PRKAG2: variants seen among roughly 807,000 people sequenced by gnomAD.
PRKAG2 encodes the protein 5'-AMP-activated protein kinase subunit gamma-2.
A neutral mutation model predicts 69.6 loss-of-function variants in PRKAG2; 26 were observed. The ratio of observed to expected loss-of-function variants is 0.37; its 90% CI spans 0.27 to 0.52. The LOEUF (loss-of-function observed/expected upper bound fraction) is 0.52. PRKAG2 is among the 20% of genes least tolerant of loss of function. PRKAG2 has a pLI of 0.90. For missense variants in PRKAG2, 557 were observed against 740.0 expected (o/e 0.75, Z 2.87); for synonymous variants, 293 against 285.0 (o/e 1.03, Z -0.28).
At chr7:151,677,579 A>G (rs1188982947) in intron 3 of PRKAG2, among the ~76,000 whole-genome samples, 5 of 152,252 alleles carry the variant, frequency 3.3e-5, no homozygotes, top group Non-Finnish European at 7.3e-5. Context: ...GTCAGTGAAC[A>G]TGCCCTGTTA....
At position 151,565,401 on chromosome 7, in the gene PRKAG2, A is replaced by G. The variant is rs1470527891; in HGVS notation, c.1400-18T>C. On this transcript the variant is annotated intron_variant, in intron 12 of 15. Coordinates refer to ENST00000287878, the MANE Select transcript of PRKAG2 (RefSeq NM_016203.4). ...AACTTTTCCTAAAAATGAAAAATAT[A>G]TGTTAGAAAAATGTCTTAAGGGACA... is the stretch of plus-strand genomic sequence containing the variant. The G allele has an allele frequency of 7.5e-7, 1 of 1,333,712 alleles. No homozygotes were observed. The highest frequency in any genetic ancestry group is 1.3e-5 in the South Asian group (1 of 77,062). The allele number at this position is 1,333,712 out of a possible 1,614,324, so 82.6% of individuals were successfully genotyped here.
chr7:151,702,022 G>C (rs1368266469), intron 3 of PRKAG2, among the ~76,000 whole-genome samples: 1 of 152,122 alleles, frequency 6.6e-6, no homozygotes, highest in African/African-American at 2.4e-5. Context: ...CACCCGGTGT[G>C]TGGTGCTCTG....
intron 3 of PRKAG2, among the ~76,000 whole-genome samples, chr7:151,760,676 C>T (rs2075361566): frequency 2.0e-5 from 3 of 152,196 alleles, no homozygotes. Flanking sequence ...GAGAAGACTT[C>T]CCTCGCCATT....
At position 151,632,305 on chromosome 7, in the gene PRKAG2, G is replaced by T; in HGVS notation, c.685-167C>A. The T allele has an allele frequency of 2.2e-6, 2 of 895,926 alleles. No individual in the cohort carries two copies. The highest frequency in any genetic ancestry group is 2.7e-6 in the Non-Finnish European group (2 of 750,840). 55.5% of individuals were successfully genotyped at this position (895,926 alleles called of 1,614,324 possible). A position where few individuals can be genotyped will look rare whatever the true frequency, so the allele number is the denominator to read the frequency against. On this transcript the variant is annotated intron_variant, in intron 4 of 15. Coordinates refer to ENST00000287878, the MANE Select transcript of PRKAG2 (RefSeq NM_016203.4). The surrounding 1 kb of genome is among the most constrained non-coding windows in gnomAD (Gnocchi z 4.2). Reference sequence around the variant, plus strand: ...GGGCCGGGGGCGGAGCGGGAGCGCTGCCCCCACCCGCCCGAGGCCGCCGCC... The same window carrying T: ...GGGCCGGGGGCGGAGCGGGAGCGCTTCCCCCACCCGCCCGAGGCCGCCGCC...
At chr7:151,624,065 T>A (rs1211316608) in intron 5 of PRKAG2, among the ~76,000 whole-genome samples, 1 of 152,126 alleles carries the variant, frequency 6.6e-6, no homozygotes, top group Non-Finnish European at 1.5e-5. Flanking sequence ...GTTAGCATGA[T>A]GTTCAGAAAC....
At position 151,777,199 on chromosome 7, in the gene PRKAG2, T is replaced by G. The variant is rs2076410036; in HGVS notation, c.466+3953A>C. The stretch of plus-strand genomic sequence containing the variant: ...CAGGTTCAGCATGGGCCCCGAGGTC[T>G]AGCTCTTCACTGCGGCAGCACCCCA... On this transcript the variant is annotated intron_variant, in intron 3 of 15. Coordinates refer to ENST00000287878, the MANE Select transcript of PRKAG2 (RefSeq NM_016203.4). The surrounding 1 kb of genome is among the most constrained non-coding windows in gnomAD (Gnocchi z 4.3). Among the ~76,000 whole-genome samples the G allele has an allele frequency of 6.6e-6, 1 of 152,180 alleles. No homozygotes were observed. The highest frequency in any genetic ancestry group is 1.5e-5 in the Non-Finnish European group (1 of 68,016).
chr7:151,752,973 G>A (rs541848524), intron 3 of PRKAG2, among the ~76,000 whole-genome samples: 3 of 152,324 alleles, frequency 2.0e-5, no homozygotes, highest in African/African-American at 4.8e-5. Flanking sequence ...TGTCGCGGCC[G>A]CATCGGGTGA....
intron 1 of PRKAG2, among the ~76,000 whole-genome samples, chr7:151,823,748 C>T (rs2078848145): frequency 6.6e-6 from 1 of 152,140 alleles, no homozygotes; most frequent in Non-Finnish European, 1.5e-5. Flanking sequence ...ATGTGGGGCC[C>T]AGAGTCATTC....
At chr7:151,658,156 CATAAATAAATAA>C (rs763621170) in intron 4 of PRKAG2, among the ~76,000 whole-genome samples, 44 of 120,846 alleles carry the variant, frequency 3.6e-4, no homozygotes, top group East Asian at 1.5e-3. Context: ...GAGTCCGTCT[CATAAATAAATAA>C]ATAAATAAAT....
Position 151,731,535 on chromosome 7 carries a change from T to TGTGTGCGCGC in PRKAG2, c.466+49616_466+49617insGCGCGCACAC, listed in dbSNP as rs10689682. On this transcript the variant is annotated intron_variant, in intron 3 of 15. Transcript: ENST00000287878. ...GTGGGGAGAGCTCTGTGTGTGTGTG[T>TGTGTGCGCGC]GCGCACAGGTACATGACATGTGTGT... 2.6e-5 allele frequency among the ~76,000 whole-genome samples: 4 copies of TGTGTGCGCGC among 151,582 alleles called. No individual in the cohort carries two copies. In the South Asian group the frequency reaches 8.3e-4, roughly 32 times the overall value.
rs1337598065 is a variant in PRKAG2, at chr7:151,753,937, G to A, written c.466+27215C>T. On this transcript the variant is annotated intron_variant, in intron 3 of 15. Coordinates refer to ENST00000287878, the MANE Select transcript of PRKAG2 (RefSeq NM_016203.4). ...TAGTCGCAGCTACTCAGGAGGTTGG[G>A]GTAGGAGAATCGCTTGAGTTGCAGT... is the stretch of plus-strand genomic sequence containing the variant. Among the ~76,000 whole-genome samples the A allele has an allele frequency of 5.3e-5, 8 of 152,078 alleles. No homozygotes were observed. The South Asian group carries it at 1.7e-3, about 32-fold the overall frequency.
chr7:151,603,125 G>C (rs1175015136), intron 5 of PRKAG2, among the ~76,000 whole-genome samples: 1 of 151,356 alleles, frequency 6.6e-6, no homozygotes, highest in Admixed American at 6.6e-5. Context: ...GGAGGCACAC[G>C]CTCCATACTC....
Position 151,583,202 on chromosome 7 carries a change from T to C in PRKAG2, c.865-6750A>G, listed in dbSNP as rs1228390698. On this transcript the variant is annotated intron_variant, in intron 6 of 15. Coordinates refer to ENST00000287878, the MANE Select transcript of PRKAG2 (RefSeq NM_016203.4). This position sits in a 1 kb window ranked among gnomAD's most constrained non-coding sequence, Gnocchi z 4.1. ...TGCTCAGCTAATTTTTAAATCTTTT[T>C]GTAGAGATGGGGTTTTGCCATGTTG... is the stretch of plus-strand genomic sequence containing the variant. 6.6e-6 allele frequency among the ~76,000 whole-genome samples: 1 copy of C among 152,090 alleles called. No homozygotes were observed. The highest frequency in any genetic ancestry group is 1.5e-5 in the Non-Finnish European group (1 of 68,022).
In PRKAG2 at chr7:151,735,860, G is replaced by A. The variant is rs115473183; in HGVS notation, c.466+45292C>T. ...CACACGCCGTGGGGTTCCCTCCCAA[G>A]GACAGACCACCAGGGGCTCGGGAAT... is the stretch of plus-strand genomic sequence containing the variant. On this transcript the variant is annotated intron_variant, in intron 3 of 15. Coordinates refer to ENST00000287878, the MANE Select transcript of PRKAG2 (RefSeq NM_016203.4). The A allele has an allele frequency of 2.4e-3, 3,648 of 1,535,964 alleles. 79 individuals carry two copies. In the African/African-American group the frequency reaches 0.042, roughly 18 times the overall value.
chr7:151,769,143 C>T (rs1212548769), intron 3 of PRKAG2, among the ~76,000 whole-genome samples: 1 of 152,202 alleles, frequency 6.6e-6, no homozygotes, highest in East Asian at 1.9e-4. Context: ...AAGAAACTAA[C>T]CCAGGCAGAA....
At chr7:151,871,194 T>C (rs1414751261) in intron 1 of PRKAG2, among the ~76,000 whole-genome samples, 2 of 152,228 alleles carry the variant, frequency 1.3e-5, no homozygotes, top group East Asian at 3.8e-4. Flanking sequence ...AGCTGCTTTT[T>C]CTTAGACCGA....
At chr7:151,714,470 G>T in intron 3 of PRKAG2, among the ~76,000 whole-genome samples, 1 of 138,252 alleles carries the variant, frequency 7.2e-6, no homozygotes, top group Non-Finnish European at 1.5e-5. Flanking sequence ...TCCACATGCC[G>T]CCATCCTCCC....
At chr7:151,660,671 T>C (rs1288923083) in intron 4 of PRKAG2, among the ~76,000 whole-genome samples, 2 of 152,234 alleles carry the variant, frequency 1.3e-5, no homozygotes, top group African/African-American at 4.8e-5. Flanking sequence ...GGGACCTGAT[T>C]ATACTATTAA....
At chr7:151,802,104 G>A (rs1193425170) in intron 1 of PRKAG2, among the ~76,000 whole-genome samples, 1 of 152,166 alleles carries the variant, frequency 6.6e-6, no homozygotes, top group Non-Finnish European at 1.5e-5. Flanking sequence ...CTGTCAGAAG[G>A]GTTTGGGATC....
Sources: gnomAD v4.1 joint callset for allele counts (sites outside exome capture counted in the v4.1 genomes callset) on GRCh38, gnomAD v4.1.1 for gene constraint, Gnocchi (gnomAD v3.1) non-coding constraint, MANE v1.5 for transcripts, NCBI Gene and HGNC (gene_info 2026-07-23, HGNC 2026-07-21) for gene names.